GIN1: variants seen among roughly 807,000 people sequenced by gnomAD.
The protein encoded by GIN1 is gypsy retrotransposon integrase 1, also known as gypsy retrotransposon integrase-like protein 1.
Under a neutral mutation model 51.4 loss-of-function variants are expected in GIN1, and 41 were observed. The ratio of observed to expected loss-of-function variants is 0.80; its 90% confidence interval spans 0.62 to 1.04. GIN1 has a LOEUF of 1.04. GIN1 is among the 50% of genes least tolerant of loss of function. The probability of loss-of-function intolerance (pLI) is 0.00; values close to 1 mark genes in which losing one functional copy is unlikely to be tolerated. For missense variants in GIN1, 610 were observed against 612.4 expected, an observed-to-expected ratio of 1.00 and a Z score of 0.04; for synonymous variants, 222 against 206.5, an observed-to-expected ratio of 1.07 and a Z score of -0.64.
At chr5:103,097,852 G>C (rs1787452675) in intron 4 of GIN1, 71 bp from the exon 5 acceptor site, 1 of 666,276 alleles carries the variant, frequency 1.5e-6, no homozygotes, top group Non-Finnish European at 2.6e-6. Context: ...TTAAAAAAAA[G>C]CTTCAAAAGA....
chr5:103,108,811 C>T, intron 1 of GIN1, 97 bp from the exon 2 acceptor site: 1 of 747,458 alleles, frequency 1.3e-6, no homozygotes, highest in East Asian at 2.7e-5. Flanking sequence ...TACATATGAA[C>T]CGAGAATTCC....
In GIN1 at chr5:103,116,226, T is replaced by C. The variant is rs1788026738; in HGVS notation, c.-8+3838A>G. 2.6e-5 allele frequency among the ~76,000 whole-genome samples: 4 copies of C among 152,112 alleles called. No individual in the cohort carries two copies. In the South Asian group the frequency reaches 8.3e-4, roughly 31 times the overall value. On this transcript the variant is annotated intron_variant, in intron 1 of 7. Coordinates refer to ENST00000399004, the MANE Select transcript of GIN1 (RefSeq NM_017676.2). ...AGTTGAAGAATTTCACATTATTTGGTTTCAGGACTTTCTATACTACTATGG... is the reference window on the plus strand; with the variant it reads ...AGTTGAAGAATTTCACATTATTTGGCTTCAGGACTTTCTATACTACTATGG...
In GIN1 at chr5:103,118,716, T is replaced by C. The variant is rs115568935; in HGVS notation, c.-8+1348A>G. 2.9e-3 allele frequency among the ~76,000 whole-genome samples: 434 copies of C among 151,514 alleles called. 2 individuals carry two copies. Among genetic ancestry groups the C allele is most frequent in the African/African-American group, 0.01 (418 of 41,312 alleles). On this transcript the variant is annotated intron_variant, in intron 1 of 7. Transcript: ENST00000399004. ...TAAAAGTTTTACTGCTAATAATTGG[T>C]ATTCATATACAAAAGTAACGTAAAT...
At chr5:103,110,171 G>T (rs1562335117) in intron 1 of GIN1, among the ~76,000 whole-genome samples, 2 of 151,132 alleles carry the variant, frequency 1.3e-5, no homozygotes, top group Non-Finnish European at 2.9e-5. Context: ...TCAAATCTTA[G>T]GCTAAGCAAA....
At chr5:103,118,328 A>T (rs782363873) in intron 1 of GIN1, among the ~76,000 whole-genome samples, 11 of 150,826 alleles carry the variant, frequency 7.3e-5, no homozygotes, top group Non-Finnish European at 1.5e-4. Context: ...GATGATTAAA[A>T]GTCCTTTGTA....
rs776922680 is a variant in GIN1, at chr5:103,087,973, G to A, written c.1494C>T (p.Asp498=). 15 of 1,592,614 alleles carry A rather than the reference G, an allele frequency of 9.4e-6. No homozygotes were observed. In the Admixed American group the frequency reaches 1.0e-4, roughly 11 times the overall value. ...YRNTKISPLI[D]DHSSLEKQTF... Reference sequence around the variant, plus strand: ...TCTGCTTTTCAAGAGAACTATGATCGTCTATCAATGGAGAGATTTTCGTAT... The same window carrying A: ...TCTGCTTTTCAAGAGAACTATGATCATCTATCAATGGAGAGATTTTCGTAT... The change falls in exon 8 of 8, where the codon GAC becomes GAT. Residue 498 remains aspartate (D), a synonymous_variant. Transcript: ENST00000399004.
At chr5:103,108,767 CT>C in intron 1 of GIN1, 53 bp from the exon 2 acceptor site, 11 of 1,118,378 alleles carry the variant, frequency 9.8e-6, no homozygotes, top group Non-Finnish European at 1.2e-5. Flanking sequence ...AACTGAATTG[CT>C]ATTTCAGTTA....
intron 7 of GIN1, among the ~76,000 whole-genome samples, chr5:103,089,653 T>A (rs1787181546): frequency 6.6e-6 from 1 of 152,140 alleles, no homozygotes; most frequent in African/African-American, 2.4e-5. Flanking sequence ...CTCCTGAAGA[T>A]GTTAATGGGT....
At chr5:103,091,893 T>G (rs1554194582) in intron 7 of GIN1, among the ~76,000 whole-genome samples, 1 of 151,630 alleles carries the variant, frequency 6.6e-6, no homozygotes, top group Non-Finnish European at 1.5e-5. Flanking sequence ...GGTGTGGAGG[T>G]GGGCGCCTGT....
chr5:103,114,107 CTCA>C (rs1554197158), intron 1 of GIN1, among the ~76,000 whole-genome samples: 1 of 152,174 alleles, frequency 6.6e-6, no homozygotes, highest in African/African-American at 2.4e-5. Flanking sequence ...TCTCCAGCCC[CTCA>C]TCATATTTCA....
intron 6 of GIN1, 113 bp from the exon 7 acceptor site, chr5:103,096,939 G>T: frequency 1.5e-6 from 1 of 669,012 alleles, no homozygotes. Context: ...GCTACTAAAA[G>T]GTAGGTATGA....
chr5:103,093,008 G>C (rs1554194710), intron 7 of GIN1, among the ~76,000 whole-genome samples: 1 of 140,918 alleles, frequency 7.1e-6, no homozygotes, highest in Non-Finnish European at 1.6e-5. Flanking sequence ...ATAACTAAGA[G>C]GCCAAAAAAA....
At position 103,109,960 on chromosome 5, in the gene GIN1, A is replaced by G. The variant is rs79834983; in HGVS notation, c.-7-1246T>C. ...CACATGTAAAGTCAATACGTTTACAATGAAGATATCAACACAATGAGGAAA... is the reference window on the plus strand; with the variant it reads ...CACATGTAAAGTCAATACGTTTACAGTGAAGATATCAACACAATGAGGAAA... On this transcript the variant is annotated intron_variant, in intron 1 of 7. Transcript: ENST00000399004. Among the ~76,000 whole-genome samples, 886 of 152,282 alleles carry G rather than the reference A, an allele frequency of 5.8e-3. 6 individuals carry two copies. Among genetic ancestry groups the G allele is most frequent in the African/African-American group, 0.02 (849 of 41,574 alleles).
chr5:103,100,138 AGT>A (rs1787528792), intron 4 of GIN1, among the ~76,000 whole-genome samples: 1 of 150,612 alleles, frequency 6.6e-6, no homozygotes. Context: ...ACAGGGTCTC[AGT>A]CTGTTACCCA....
chr5:103,109,738 AT>A lies in GIN1; in HGVS notation c.-7-1025del, dbSNP rs11308349. On this transcript the variant is annotated intron_variant, in intron 1 of 7. Coordinates refer to ENST00000399004, the MANE Select transcript of GIN1 (RefSeq NM_017676.2). ...CTTCCAATTGATTATTAAATACATG[AT>A]TTTTTTCATCTTCTAATAGATGGCT... Among the ~76,000 whole-genome samples, 713 of 152,234 alleles carry A rather than the reference AT, an allele frequency of 4.7e-3. 6 individuals are homozygous for A. The highest frequency in any genetic ancestry group is 0.015 in the African/African-American group (631 of 41,586).
At chr5:103,116,748 A>T (rs1486788964) in intron 1 of GIN1, among the ~76,000 whole-genome samples, 1 of 152,134 alleles carries the variant, frequency 6.6e-6, no homozygotes, top group African/African-American at 2.4e-5. Context: ...AAGAAAGCAA[A>T]CAACCCAATT....
intron 1 of GIN1, among the ~76,000 whole-genome samples, chr5:103,117,489 A>G (rs1788068867): frequency 6.6e-6 from 1 of 151,536 alleles, no homozygotes; most frequent in African/African-American, 2.4e-5. Context: ...GATATAGGTC[A>G]TTTGATATTA....
intron 4 of GIN1, among the ~76,000 whole-genome samples, chr5:103,103,760 T>C (rs1389478315): frequency 3.3e-5 from 5 of 152,190 alleles, no homozygotes; most frequent in African/African-American, 1.2e-4. Context: ...TATTTAAGTC[T>C]CCCTTTACCT....
At chr5:103,091,632 G>C (rs1787239778) in intron 7 of GIN1, among the ~76,000 whole-genome samples, 2 of 152,098 alleles carry the variant, frequency 1.3e-5, no homozygotes, top group Non-Finnish European at 2.9e-5. Context: ...AGACATTTCA[G>C]GAAGGTATTA....
Sources: gnomAD v4.1 joint callset for allele counts (sites outside exome capture counted in the v4.1 genomes callset) on GRCh38, gnomAD v4.1.1 for gene constraint, MANE v1.5 for transcripts, NCBI Gene and HGNC (gene_info 2026-07-23, HGNC 2026-07-21) for gene names.